Variants in HS6ST3 observed in about 807,000 individuals in gnomAD.
The protein encoded by HS6ST3 is heparan sulfate 6-O-sulfotransferase 3, also known as heparan-sulfate 6-O-sulfotransferase 3.
A neutral mutation model predicts 36.7 loss-of-function variants in HS6ST3; 12 were observed. The observed-to-expected ratio is 0.33, with a 90% CI of 0.21 to 0.53. HS6ST3 has a LOEUF of 0.53. HS6ST3 is among the 20% of genes least tolerant of loss of function. The pLI is 0.95. For missense variants in HS6ST3, 584 were observed against 640.9 expected (o/e 0.91, Z 0.96); for synonymous variants, 240 against 257.5 (o/e 0.93, Z 0.65).
chr13:96,102,451 C>T (rs1181251643), intron 1 of HS6ST3, among the ~76,000 whole-genome samples: 1 of 152,060 alleles, frequency 6.6e-6, no homozygotes, highest in East Asian at 1.9e-4. Flanking sequence ...CACTGCACTC[C>T]AGCCTGGGTA....
chr13:96,111,494 C>T (rs952809433), intron 1 of HS6ST3, among the ~76,000 whole-genome samples: 1 of 151,988 alleles, frequency 6.6e-6, no homozygotes, highest in African/African-American at 2.4e-5. Flanking sequence ...GCTGCTAAGG[C>T]AAATAAATAA....
intron 1 of HS6ST3, among the ~76,000 whole-genome samples, chr13:96,114,601 A>G (rs1448620019): frequency 6.6e-6 from 1 of 152,194 alleles, no homozygotes; most frequent in Non-Finnish European, 1.5e-5. Context: ...AAACAGGGAT[A>G]ATAATAGGGC....
intron 1 of HS6ST3, among the ~76,000 whole-genome samples, chr13:96,581,486 C>T (rs1594811693): frequency 6.6e-6 from 1 of 151,956 alleles, no homozygotes; most frequent in Non-Finnish European, 1.5e-5. Flanking sequence ...CCTCCCAAAG[C>T]TCTGGGATTA....
chr13:96,585,227 TTTTC>T (rs2056356495), intron 1 of HS6ST3, among the ~76,000 whole-genome samples: 1 of 152,150 alleles, frequency 6.6e-6, no homozygotes, highest in African/African-American at 2.4e-5. Context: ...TAGAGGACTT[TTTTC>T]TTCCTTTTTA....
At chr13:96,115,857 C>A (rs2053891559) in intron 1 of HS6ST3, among the ~76,000 whole-genome samples, 1 of 152,200 alleles carries the variant, frequency 6.6e-6, no homozygotes, top group Non-Finnish European at 1.5e-5. Flanking sequence ...TTTACATTCC[C>A]ACCAACAGTG....
chr13:96,728,743 G>C (rs1002253440), intron 1 of HS6ST3, among the ~76,000 whole-genome samples: 1 of 152,062 alleles, frequency 6.6e-6, no homozygotes, highest in African/African-American at 2.4e-5. Context: ...TCCCTGTTCT[G>C]ACACATGAAA....
At chr13:96,189,218 T>C (rs760166876) in intron 1 of HS6ST3, among the ~76,000 whole-genome samples, 94 of 152,338 alleles carry the variant, frequency 6.2e-4, no homozygotes, top group Non-Finnish European at 1.2e-3. Context: ...GAGTTTTCTT[T>C]CAGAGAAGCT....
At chr13:96,595,606 G>GT (rs766051046) in intron 1 of HS6ST3, among the ~76,000 whole-genome samples, 160 of 152,068 alleles carry the variant, frequency 1.1e-3, no homozygotes, top group Middle Eastern at 3.4e-3. Flanking sequence ...TCTGCTACTA[G>GT]TTTTTTAGAT....
chr13:96,179,524 G>C (rs2054229073), intron 1 of HS6ST3, among the ~76,000 whole-genome samples: 1 of 152,156 alleles, frequency 6.6e-6, no homozygotes, highest in Non-Finnish European at 1.5e-5. Flanking sequence ...TCTGTGCTGG[G>C]CCCACTGTGG....
Position 96,838,077 on chromosome 13 carries a change from T to C in HS6ST3, c.*4879T>C, listed in dbSNP as rs1878980934. On this transcript the variant is annotated 3_prime_UTR_variant, in exon 2 of 2. Coordinates refer to ENST00000376705, the MANE Select transcript of HS6ST3 (RefSeq NM_153456.4). Reference sequence around the variant, plus strand: ...CATGATCTCTATCTGAGGTCCTGTATAGTGGGATCATTTAGAGATGGGGGT... The same window carrying C: ...CATGATCTCTATCTGAGGTCCTGTACAGTGGGATCATTTAGAGATGGGGGT... 6.6e-6 allele frequency: 1 copy of C among 152,270 alleles called. No homozygotes were observed. The highest frequency in any genetic ancestry group is 2.1e-4 in the South Asian group (1 of 4,824). 9.4% of individuals were successfully genotyped at this position (152,270 alleles called of 1,614,324 possible).
At chr13:96,624,141 A>G (rs1280316588) in intron 1 of HS6ST3, among the ~76,000 whole-genome samples, 1 of 152,234 alleles carries the variant, frequency 6.6e-6, no homozygotes, top group African/African-American at 2.4e-5. Context: ...ATGTGTGCAT[A>G]TATACATGTA....
chr13:96,110,059 C>T (rs2139299569), intron 1 of HS6ST3, among the ~76,000 whole-genome samples: 1 of 152,194 alleles, frequency 6.6e-6, no homozygotes, highest in Non-Finnish European at 1.5e-5. Context: ...TTTTGTGTTG[C>T]TATAAAGGAA....
chr13:96,678,999 G>C (rs1345344903), intron 1 of HS6ST3, among the ~76,000 whole-genome samples: 2 of 151,590 alleles, frequency 1.3e-5, no homozygotes, highest in East Asian at 3.9e-4. Flanking sequence ...CCTGGGTGTG[G>C]AGATGATAGG....
chr13:96,293,119 C>T (rs1250964556), intron 1 of HS6ST3, among the ~76,000 whole-genome samples: 1 of 151,914 alleles, frequency 6.6e-6, no homozygotes. Context: ...CCCTGAAAGA[C>T]AACAATAAAA....
At chr13:96,565,961 A>G (rs1411772304) in intron 1 of HS6ST3, among the ~76,000 whole-genome samples, 2 of 152,194 alleles carry the variant, frequency 1.3e-5, no homozygotes, top group African/African-American at 4.8e-5. Flanking sequence ...GGATCAGAAT[A>G]AAAGGTACCT....
chr13:96,504,731 CT>C (rs1176727723), intron 1 of HS6ST3, among the ~76,000 whole-genome samples: 3 of 151,956 alleles, frequency 2.0e-5, no homozygotes, highest in Non-Finnish European at 2.9e-5. Flanking sequence ...TCTTTTCCCC[CT>C]CTTCAGAAAA....
intron 1 of HS6ST3, among the ~76,000 whole-genome samples, chr13:96,121,593 G>A (rs568325024): frequency 4.3e-4 from 66 of 152,322 alleles, no homozygotes; most frequent in Non-Finnish European, 8.4e-4. Context: ...AGCAACCATA[G>A]GAGTGAGGCC....
At chr13:96,625,375 T>A (rs1391577810) in intron 1 of HS6ST3, among the ~76,000 whole-genome samples, 1 of 152,132 alleles carries the variant, frequency 6.6e-6, no homozygotes, top group Non-Finnish European at 1.5e-5. Flanking sequence ...TCTTTGAGTA[T>A]GTATCGAGCA....
At chr13:96,241,918 T>C (rs2139372989) in intron 1 of HS6ST3, among the ~76,000 whole-genome samples, 1 of 151,890 alleles carries the variant, frequency 6.6e-6, no homozygotes, top group South Asian at 2.1e-4. Flanking sequence ...CCCGAGTAGC[T>C]GGGACCACAG....
Sources: gnomAD v4.1 joint callset for allele counts (sites outside exome capture counted in the v4.1 genomes callset) on GRCh38, gnomAD v4.1.1 for gene constraint, MANE v1.5 for transcripts, NCBI Gene and HGNC (gene_info 2026-07-23, HGNC 2026-07-21) for gene names.